The following ATP8A1 variants were observed in gnomAD, a reference collection of about 807,000 sequenced individuals.
ATP8A1 encodes phospholipid-transporting ATPase IA.
ATP8A1 carries 90 observed loss-of-function variants against 177.7 expected under a neutral mutation model. The observed-to-expected ratio is 0.51, with a 90% CI of 0.43 to 0.60. The LOEUF is 0.60. Among genes scored for constraint, ATP8A1 ranks in the 20% least tolerant of loss-of-function variants. ATP8A1 has a pLI of 0.00. For synonymous variants in ATP8A1, 493 were observed against 485.9 expected, an observed-to-expected ratio of 1.01 and a Z score of -0.19; for missense variants, 1,072 against 1,392.8, an observed-to-expected ratio of 0.77 and a Z score of 3.67.
At chr4:42,593,982 T>C (rs1560498300) in intron 6 of ATP8A1, among the ~76,000 whole-genome samples, 1 of 152,022 alleles carries the variant, frequency 6.6e-6, no homozygotes, top group Non-Finnish European at 1.5e-5. Context: ...ATCCATGTAT[T>C]ATATAAAATA....
chr4:42,472,657 T>G (rs1327164462), intron 25 of ATP8A1, among the ~76,000 whole-genome samples: 1 of 150,958 alleles, frequency 6.6e-6, no homozygotes, highest in Non-Finnish European at 1.5e-5. Flanking sequence ...GCCAGGAGAA[T>G]TGCGTGAACC....
intron 35 of ATP8A1, among the ~76,000 whole-genome samples, chr4:42,417,166 T>C (rs1402590648): frequency 3.3e-5 from 5 of 152,322 alleles, no homozygotes; most frequent in Non-Finnish European, 7.3e-5. Context: ...TCTAGTCTTA[T>C]CTTACACCTT....
intron 1 of ATP8A1, among the ~76,000 whole-genome samples, chr4:42,641,180 G>C (rs563301321): frequency 6.6e-6 from 1 of 152,210 alleles, no homozygotes; most frequent in Admixed American, 6.5e-5. Flanking sequence ...AAAAAAATCA[G>C]AATTCTAGAA....
At chr4:42,496,137 C>T (rs190624076) in intron 24 of ATP8A1, among the ~76,000 whole-genome samples, 7 of 152,246 alleles carry the variant, frequency 4.6e-5, no homozygotes, top group African/African-American at 1.7e-4. Flanking sequence ...TGCGAGGCAT[C>T]TAGTCTCACT....
At chr4:42,646,829 A>T (rs1231441833) in intron 1 of ATP8A1, among the ~76,000 whole-genome samples, 1 of 152,158 alleles carries the variant, frequency 6.6e-6, no homozygotes, top group Non-Finnish European at 1.5e-5. Context: ...TAAAACAGAC[A>T]CCTCTCTTTG....
At chr4:42,630,461 G>C (rs1738613766) in intron 1 of ATP8A1, among the ~76,000 whole-genome samples, 1 of 152,186 alleles carries the variant, frequency 6.6e-6, no homozygotes, top group African/African-American at 2.4e-5. Context: ...GGGAAGGCGA[G>C]TGCCGTTCTT....
Position 42,524,849 on chromosome 4 carries a change from T to C in ATP8A1, c.1723-2A>G. The C allele has an allele frequency of 6.3e-7, 1 of 1,595,158 alleles. No individual in the cohort carries two copies. The highest frequency in any genetic ancestry group is 8.6e-7 in the Non-Finnish European group (1 of 1,169,352). ...CAGTCGATCATAAATTACAGTGTCC[T>C]GGAAAACAAACAGAGGGTAAAATGA... On this transcript the variant is annotated splice_acceptor_variant, in intron 20 of 36. Coordinates refer to ENST00000381668, the MANE Select transcript of ATP8A1 (RefSeq NM_006095.2). LOFTEE classifies it high-confidence loss of function.
chr4:42,589,388 A>G (rs911621740), intron 7 of ATP8A1, among the ~76,000 whole-genome samples: 1 of 152,246 alleles, frequency 6.6e-6, no homozygotes. Context: ...GGAATTTTCT[A>G]ATCAACTTCC....
chr4:42,653,968 A>G (rs1741377813), intron 1 of ATP8A1, among the ~76,000 whole-genome samples: 1 of 152,198 alleles, frequency 6.6e-6, no homozygotes, highest in South Asian at 2.1e-4. Context: ...AGATGTCAGT[A>G]TCCTTTAGGA....
chr4:42,562,910 A>G (rs1338575800), intron 15 of ATP8A1, among the ~76,000 whole-genome samples: 1 of 152,084 alleles, frequency 6.6e-6, no homozygotes, highest in Non-Finnish European at 1.5e-5. Context: ...AGTCCAATAA[A>G]CCTCTTTCTT....
intron 29 of ATP8A1, among the ~76,000 whole-genome samples, chr4:42,453,698 A>G (rs1361931389): frequency 6.6e-6 from 1 of 152,186 alleles, no homozygotes; most frequent in African/African-American, 2.4e-5. Flanking sequence ...CAAGAATGGC[A>G]TGGCCAAATT....
At chr4:42,471,732 A>C (rs1172144831) in intron 25 of ATP8A1, 2 of 346,702 alleles carry the variant, frequency 5.8e-6, no homozygotes. Context: ...TATTGAACCT[A>C]GCACTGTACT....
chr4:42,455,601 T>C lies in ATP8A1; in HGVS notation c.2620-2A>G, dbSNP rs759618118. On this transcript the variant is annotated splice_acceptor_variant, in intron 27 of 36. Transcript: ENST00000381668. LOFTEE classifies it high-confidence loss of function. ...GCCATTAACAAAGGCAAACCAGATC[T>C]AGGAAAAAAAACCCAAAACCCCCAA... 6.2e-7 allele frequency: 1 copy of C among 1,612,296 alleles called. No homozygotes were observed.
At chr4:42,500,791 T>C (rs536924814) in intron 24 of ATP8A1, among the ~76,000 whole-genome samples, 1 of 152,328 alleles carries the variant, frequency 6.6e-6, no homozygotes, top group African/African-American at 2.4e-5. Flanking sequence ...CCATTATGAT[T>C]GTATTTTCAA....
intron 15 of ATP8A1, among the ~76,000 whole-genome samples, chr4:42,557,661 T>C (rs1730381546): frequency 6.6e-6 from 1 of 152,238 alleles, no homozygotes; most frequent in Non-Finnish European, 1.5e-5. Context: ...CATACCCCAT[T>C]TTCCATTCAG....
intron 24 of ATP8A1, among the ~76,000 whole-genome samples, chr4:42,500,859 A>AT (rs983010273): frequency 1.1e-4 from 16 of 152,056 alleles, no homozygotes; most frequent in Admixed American, 1.3e-4. Flanking sequence ...CTGAAGAGTT[A>AT]TTTTTTTTAA....
intron 24 of ATP8A1, among the ~76,000 whole-genome samples, 172 bp from the exon 25 acceptor site, chr4:42,485,840 C>G (rs4441793): frequency 0.95 from 145,193 of 152,198 alleles, 69,601 homozygotes; most frequent in Non-Finnish European, 1. Context: ...CAGGAGCCTG[C>G]ACAATTGTTA....
intron 31 of ATP8A1, 21 bp from the exon 32 acceptor site, chr4:42,444,655 G>A (rs768951280): frequency 1.7e-5 from 28 of 1,609,214 alleles, no homozygotes; most frequent in Middle Eastern, 1.7e-4. Flanking sequence ...AGGGGAAAAT[G>A]TTATTTTACC....
At chr4:42,500,958 G>C (rs1420489035) in intron 24 of ATP8A1, among the ~76,000 whole-genome samples, 1 of 151,962 alleles carries the variant, frequency 6.6e-6, no homozygotes, top group Non-Finnish European at 1.5e-5. Context: ...GGAAGACAAA[G>C]ATTTCTATTA....
Sources: allele counts gnomAD v4.1 joint callset (sites outside exome capture counted in the v4.1 genomes callset), GRCh38; gene constraint gnomAD v4.1.1; transcripts MANE v1.5; gene names NCBI Gene and HGNC (gene_info 2026-07-23, HGNC 2026-07-21).